Variants in SNTG1 observed in about 807,000 individuals in gnomAD.
The protein encoded by SNTG1 is gamma-1-syntrophin.
A neutral mutation model predicts 74.7 loss-of-function variants in SNTG1; 39 were observed. The observed-to-expected ratio is 0.52, with a 90% confidence interval of 0.40 to 0.68. SNTG1 has a LOEUF of 0.68. Among genes scored for constraint, SNTG1 ranks in the 30% least tolerant of loss-of-function variants. The pLI is 0.00. For missense variants in SNTG1, 685 were observed against 609.5 expected (o/e 1.12, Z -1.30); for synonymous variants, 254 against 217.1 (o/e 1.17, Z -1.49).
At chr8:50,526,753 A>T (rs2094223356) in intron 9 of SNTG1, among the ~76,000 whole-genome samples, 1 of 152,056 alleles carries the variant, frequency 6.6e-6, no homozygotes, top group African/African-American at 2.4e-5. Context: ...CCACCCAAGT[A>T]GCTGGGACTA....
chr8:50,732,011 T>C (rs566161864), intron 17 of SNTG1, among the ~76,000 whole-genome samples: 65 of 152,166 alleles, frequency 4.3e-4, no homozygotes, highest in African/African-American at 1.5e-3. Context: ...AGTATATTCA[T>C]TAACTTCTTT....
intron 1 of SNTG1, among the ~76,000 whole-genome samples, chr8:50,055,569 C>A (rs569838180): frequency 6.6e-6 from 1 of 152,174 alleles, no homozygotes; most frequent in South Asian, 2.1e-4. Context: ...TTATTAACAT[C>A]CCTGAATCTC....
At chr8:50,694,697 C>T (rs948476580) in intron 15 of SNTG1, among the ~76,000 whole-genome samples, 1 of 151,924 alleles carries the variant, frequency 6.6e-6, no homozygotes, top group South Asian at 2.1e-4. Flanking sequence ...TACTAGCCAA[C>T]CAAATTCAAC....
chr8:50,103,901 G>A (rs1163532465), intron 1 of SNTG1, among the ~76,000 whole-genome samples: 1 of 152,150 alleles, frequency 6.6e-6, no homozygotes, highest in Non-Finnish European at 1.5e-5. Flanking sequence ...TTGCATCCCA[G>A]GGATGAAGCC....
chr8:50,644,624 G>A (rs540566655), intron 13 of SNTG1, among the ~76,000 whole-genome samples: 1 of 152,208 alleles, frequency 6.6e-6, no homozygotes, highest in South Asian at 2.1e-4. Flanking sequence ...GTAAAATGTG[G>A]GGGAGAGTCA....
intron 18 of SNTG1, among the ~76,000 whole-genome samples, chr8:50,777,858 C>A (rs1310187941): frequency 6.6e-6 from 1 of 152,028 alleles, no homozygotes; most frequent in Non-Finnish European, 1.5e-5. Context: ...CCCTGTCCCC[C>A]CACCCGACAA....
At chr8:50,023,905 A>G (rs1426658924) in intron 1 of SNTG1, among the ~76,000 whole-genome samples, 1 of 152,120 alleles carries the variant, frequency 6.6e-6, no homozygotes, top group Non-Finnish European at 1.5e-5. Flanking sequence ...ACCATCAACC[A>G]TGAGCATTGT....
chr8:49,938,544 C>CTTCTTTTCTTTTCTTTTCTT (rs1554524744), intron 1 of SNTG1, among the ~76,000 whole-genome samples: 2 of 105,134 alleles, frequency 1.9e-5, no homozygotes, highest in African/African-American at 7.9e-5. Flanking sequence ...CTTACCATGC[C>CTTCTTTTCTTTTCTTTTCTT]TTCTTTTCTT....
At chr8:50,104,654 T>TA (rs1242977197) in intron 1 of SNTG1, among the ~76,000 whole-genome samples, 4 of 152,230 alleles carry the variant, frequency 2.6e-5, no homozygotes, top group African/African-American at 9.6e-5. Context: ...ATTGTGATGT[T>TA]ACGGTGTCAA....
At chr8:49,986,791 G>A (rs1025812604) in intron 1 of SNTG1, among the ~76,000 whole-genome samples, 4 of 152,114 alleles carry the variant, frequency 2.6e-5, no homozygotes, top group African/African-American at 9.7e-5. Flanking sequence ...AGAGGTGGGA[G>A]GGTCACATGA....
intron 1 of SNTG1, among the ~76,000 whole-genome samples, chr8:50,011,364 A>G (rs1432675499): frequency 6.6e-6 from 1 of 152,190 alleles, no homozygotes; most frequent in Non-Finnish European, 1.5e-5. Flanking sequence ...AGTGCATGAT[A>G]CTTATTGTTA....
rs575406811 is a variant in SNTG1, at chr8:49,955,424, C to T, written c.-103+43193C>T. ...CCTGGCACCTCAGGTGAGGCAGAGC[C>T]TTGCACTATGGCAGGGTCCAGTGAA... On this transcript the variant is annotated intron_variant, in intron 1 of 18. Coordinates refer to ENST00000642720, the MANE Select transcript of SNTG1 (RefSeq NM_018967.5). 2.2e-4 allele frequency among the ~76,000 whole-genome samples: 33 copies of T among 152,308 alleles called. No individual in the cohort carries two copies. The Middle Eastern group carries it at 0.01, about 47-fold the overall frequency.
At chr8:50,170,553 G>T (rs866520898) in intron 1 of SNTG1, among the ~76,000 whole-genome samples, 1 of 152,232 alleles carries the variant, frequency 6.6e-6, no homozygotes, top group Non-Finnish European at 1.5e-5. Context: ...TTTATCTCGT[G>T]TATTGGTTAT....
At chr8:50,307,316 G>T (rs199555563) in intron 2 of SNTG1, among the ~76,000 whole-genome samples, 1 of 151,886 alleles carries the variant, frequency 6.6e-6, no homozygotes, top group Non-Finnish European at 1.5e-5. Context: ...TGTACCTAGG[G>T]TTATATGAGA....
At chr8:50,419,796 CAAA>C (rs1435678686) in intron 4 of SNTG1, among the ~76,000 whole-genome samples, 1 of 151,898 alleles carries the variant, frequency 6.6e-6, no homozygotes, top group Non-Finnish European at 1.5e-5. Context: ...ATATTAGTTA[CAAA>C]CACCATTGAA....
chr8:50,171,214 T>C (rs1238891671), intron 1 of SNTG1, among the ~76,000 whole-genome samples: 1 of 152,146 alleles, frequency 6.6e-6, no homozygotes, highest in Admixed American at 6.6e-5. Context: ...ATAGGAAATA[T>C]ACATACATAT....
chr8:50,652,371 T>C (rs1317565745), intron 13 of SNTG1, among the ~76,000 whole-genome samples: 1 of 152,214 alleles, frequency 6.6e-6, no homozygotes, highest in East Asian at 1.9e-4. Flanking sequence ...GTTCAAAACC[T>C]CTATGGCTTG....
chr8:50,389,323 A>G (rs1385965410), intron 2 of SNTG1, among the ~76,000 whole-genome samples: 2 of 152,082 alleles, frequency 1.3e-5, no homozygotes, highest in Admixed American at 1.3e-4. Flanking sequence ...CACATGAATG[A>G]TTGGTTATTG....
Position 50,121,817 on chromosome 8 carries a change from C to T in SNTG1, c.-102-50744C>T, listed in dbSNP as rs2081006585. Among the ~76,000 whole-genome samples the T allele has an allele frequency of 1.4e-5, 2 of 142,154 alleles. 1 individual carries two copies. The allele number at this position is 142,154 out of a possible 152,430, so 93.3% of individuals were successfully genotyped here. Reference sequence around the variant, plus strand: ...TCAAGGCCTCATTGAGTTATGATAGCACCACTGCACTCCAGCCTGGGTGAA... The same window carrying T: ...TCAAGGCCTCATTGAGTTATGATAGTACCACTGCACTCCAGCCTGGGTGAA... On this transcript the variant is annotated intron_variant, in intron 1 of 18. Coordinates refer to ENST00000642720, the MANE Select transcript of SNTG1 (RefSeq NM_018967.5).
Sources: gnomAD v4.1 joint callset for allele counts (sites outside exome capture counted in the v4.1 genomes callset) on GRCh38, gnomAD v4.1.1 for gene constraint, MANE v1.5 for transcripts, NCBI Gene and HGNC (gene_info 2026-07-23, HGNC 2026-07-21) for gene names.